The following ACOT11 variants were observed in gnomAD, a reference collection of about 807,000 sequenced individuals.
ACOT11 encodes acyl-CoA thioesterase 11.
ACOT11 carries 69 observed loss-of-function variants against 77.5 expected under a neutral mutation model. The ratio of observed to expected loss-of-function variants is 0.89; its 90% CI spans 0.73 to 1.09. The LOEUF is 1.09. Among genes scored for constraint, ACOT11 ranks in the 50% least tolerant of loss-of-function variants. ACOT11 has a pLI of 0.00. For synonymous variants in ACOT11, 279 were observed against 313.0 expected (o/e 0.89, Z 1.15); for missense variants, 766 against 813.7 (o/e 0.94, Z 0.71).
In ACOT11 at chr1:54,594,542, C is replaced by T; in HGVS notation, c.472-14C>T. On this transcript the variant is annotated splice_polypyrimidine_tract_variant and intron_variant, in intron 5 of 15. Transcript: ENST00000343744. ...TTGCCCTGAGTGTCCCCCACCCTGT[C>T]CCCTGGCCGACAGGTGAAGCTGAAG... is the stretch of plus-strand genomic sequence containing the variant. The T allele has an allele frequency of 6.2e-7, 1 of 1,608,328 alleles. No individual in the cohort carries two copies. The highest frequency in any genetic ancestry group is 8.5e-7 in the Non-Finnish European group (1 of 1,176,906).
At chr1:54,599,852 A>G (rs982547812) in intron 8 of ACOT11, among the ~76,000 whole-genome samples, 18 of 152,390 alleles carry the variant, frequency 1.2e-4, no homozygotes, top group Admixed American at 1.2e-3. Context: ...GAATTCTGAA[A>G]CCTACTCCCA....
In ACOT11 at chr1:54,592,679, C is replaced by T. The variant is rs1005191389; in HGVS notation, c.372+73C>T. ...CTACCTCCTCTCTCCATTCTTCTCC[C>T]TGCAGCCCAGGGCCACTCACACTTG... On this transcript the variant is annotated intron_variant, in intron 4 of 15. Coordinates refer to ENST00000343744, the MANE Select transcript of ACOT11 (RefSeq NM_147161.4). 49 of 1,528,518 alleles carry T rather than the reference C, an allele frequency of 3.2e-5. No individual in the cohort carries two copies. In the African/African-American group the frequency reaches 4.8e-4, roughly 15 times the overall value. 94.7% of individuals were successfully genotyped at this position (1,528,518 alleles called of 1,614,324 possible).
Position 54,605,159 on chromosome 1 carries a change from C to T in ACOT11, c.1320C>T (p.Phe440=). ...TGCATGTGGATGCAGCCCAGGCCTT[C>T]CTGCTGCTCTCGGACCTGCGTCAGA... The part of the protein sequence containing the change: ...MVVHVDAAQA[F]LLLSDLRQRP... The change falls in exon 13 of 16, where the codon TTC becomes TTT. Residue 440 remains phenylalanine, a synonymous_variant. Transcript: ENST00000343744. 1 of 1,613,938 alleles carries T rather than the reference C, an allele frequency of 6.2e-7. No homozygotes were observed. Among genetic ancestry groups the T allele is most frequent in the Non-Finnish European group, 8.5e-7 (1 of 1,180,030 alleles).
chr1:54,601,380 C>G lies in ACOT11; in HGVS notation c.996C>G (p.Pro332=). Residue 332 remains proline, a synonymous_variant, in exon 9 of 16, where the codon CCC becomes CCG. Transcript: ENST00000343744. The part of the protein sequence containing the change: ...TFVVLDADDQ[P]QLLPWIRPQP... The stretch of plus-strand genomic sequence containing the variant: ...TGGTCCTGGACGCAGATGACCAGCC[C>G]CAGTTGCTGCCCTGGATTCGGCCCC... 2 of 1,613,438 alleles carry G rather than the reference C, an allele frequency of 1.2e-6. No individual in the cohort carries two copies. Among genetic ancestry groups the G allele is most frequent in the Non-Finnish European group, 1.7e-6 (2 of 1,179,964 alleles).
chr1:54,611,462 G>T, downstream of ACOT11: 1 of 726,176 alleles, frequency 1.4e-6, no homozygotes, highest in Non-Finnish European at 2.3e-6. Flanking sequence ...CCCAGGGCCT[G>T]GCACACAAAA....
intron 1 of ACOT11, among the ~76,000 whole-genome samples, chr1:54,555,846 G>C (rs1454324053): frequency 6.6e-6 from 1 of 152,072 alleles, no homozygotes; most frequent in Non-Finnish European, 1.5e-5. Context: ...CCAGGTTCAA[G>C]TGATTCTCCT....
intron 1 of ACOT11, among the ~76,000 whole-genome samples, chr1:54,577,455 A>G (rs886567492): frequency 3.3e-5 from 5 of 151,956 alleles, no homozygotes; most frequent in Non-Finnish European, 7.4e-5. Context: ...TTTAGCATGT[A>G]TCAGTACTTC....
At chr1:54,597,167 T>C in intron 6 of ACOT11, 92 bp from the exon 7 acceptor site, 1 of 1,504,984 alleles carries the variant, frequency 6.6e-7, no homozygotes, top group Non-Finnish European at 9.1e-7. Context: ...TGGGGTAGAG[T>C]GGTGGGGGTC....
chr1:54,608,632 C>T (rs538767448), intron 15 of ACOT11, among the ~76,000 whole-genome samples: 24 of 152,078 alleles, frequency 1.6e-4, no homozygotes, highest in East Asian at 5.8e-4. Flanking sequence ...TCTCTATGGC[C>T]GAGATTCAGA....
chr1:54,613,908 C>A (rs1334208894), downstream of ACOT11, among the ~76,000 whole-genome samples: 3 of 152,184 alleles, frequency 2.0e-5, no homozygotes, highest in African/African-American at 4.8e-5. Context: ...TGAATCTTTG[C>A]TCTGCCACTT....
rs1166358077 is a variant in ACOT11 at position 54,630,142 on chromosome 1, A to AC, written c.1630-590dup. ...TCTCGATCTCTTGACCTCGTGATCC[A>AC]CCTGCCTTGGCCTCCCAAAGTGCTG... is the stretch of plus-strand genomic sequence containing the variant. On this transcript the variant is annotated intron_variant, in intron 15 of 16. Coordinates refer to the ACOT11 transcript ENST00000371316. Among the ~76,000 whole-genome samples the AC allele has an allele frequency of 2.3e-5, 3 of 132,938 alleles. 1 individual carries two copies. The highest frequency in any genetic ancestry group is 7.6e-5 in the African/African-American group (3 of 39,320). 87.2% of individuals were successfully genotyped at this position (132,938 alleles called of 152,430 possible).
At chr1:54,638,823 T>C (rs1421333581) in exon 17 of ACOT11, 2 of 152,242 alleles carry the variant, frequency 1.3e-5, no homozygotes, top group African/African-American at 4.8e-5. Context: ...GCCCATTTTT[T>C]ATTTGTTTCT....
chr1:54,563,326 T>A (rs1469793278), intron 1 of ACOT11, among the ~76,000 whole-genome samples: 1 of 151,996 alleles, frequency 6.6e-6, no homozygotes, highest in Non-Finnish European at 1.5e-5. Context: ...TAGAAATGGC[T>A]TTGGTATTGA....
chr1:54,616,348 T>C (rs1644173429), intron 15 of ACOT11, among the ~76,000 whole-genome samples: 1 of 152,108 alleles, frequency 6.6e-6, no homozygotes, highest in South Asian at 2.1e-4. Flanking sequence ...TTTTCTTCCA[T>C]TTTCTTCTAT....
intron 1 of ACOT11, among the ~76,000 whole-genome samples, chr1:54,565,986 C>T (rs561529847): frequency 3.6e-4 from 55 of 152,298 alleles, no homozygotes; most frequent in African/African-American, 1.3e-3. Context: ...CTCCTTCCTA[C>T]CTTCCTGTCA....
chr1:54,584,517 C>A lies in ACOT11; in HGVS notation c.34-138C>A. On this transcript the variant is annotated intron_variant, in intron 1 of 15. Coordinates refer to ENST00000343744, the MANE Select transcript of ACOT11 (RefSeq NM_147161.4). The surrounding 1 kb of genome is among the most constrained non-coding windows in gnomAD (Gnocchi z 6.3). ...CACGGGCTGGAGGGTGGTGACCACT[C>A]TCGGGTTGGGGTCTGGTGGGAGGTG... 5 of 756,042 alleles carry A rather than the reference C, an allele frequency of 6.6e-6. No individual in the cohort carries two copies. Among genetic ancestry groups the A allele is most frequent in the Non-Finnish European group, 1.1e-5 (5 of 467,212 alleles). 46.8% of individuals were successfully genotyped at this position (756,042 alleles called of 1,614,324 possible).
intron 2 of ACOT11, among the ~76,000 whole-genome samples, chr1:54,585,419 G>A (rs888658758): frequency 6.6e-6 from 1 of 152,178 alleles, no homozygotes; most frequent in Non-Finnish European, 1.5e-5. Flanking sequence ...GGGTGAGTGA[G>A]AATGACTCAG....
intron 15 of ACOT11, among the ~76,000 whole-genome samples, chr1:54,628,674 T>C (rs115429177): frequency 0.02 from 2,534 of 126,430 alleles, 563 homozygotes; most frequent in East Asian, 0.058. Flanking sequence ...TTAGGTGGTC[T>C]CAGCACTCTA....
chr1:54,608,661 AGCCCCTGCCCTCCAGG>A (rs1040348180), intron 15 of ACOT11, among the ~76,000 whole-genome samples: 1 of 152,108 alleles, frequency 6.6e-6, no homozygotes, highest in African/African-American at 2.4e-5. Context: ...CTGGAGATGC[AGCCCCTGCCCTCCAGG>A]GCCTCTGGCT....
Sources: gnomAD v4.1 joint callset for allele counts (sites outside exome capture counted in the v4.1 genomes callset) on GRCh38, gnomAD v4.1.1 for gene constraint, Gnocchi (gnomAD v3.1) non-coding constraint, MANE v1.5 for transcripts, NCBI Gene and HGNC (gene_info 2026-07-23, HGNC 2026-07-21) for gene names.